IP6K1: variants seen among roughly 807,000 people sequenced by gnomAD.
The protein encoded by IP6K1 is inositol hexakisphosphate kinase 1.
A neutral mutation model predicts 38.3 loss-of-function variants in IP6K1; 13 were observed. The ratio of observed to expected loss-of-function variants is 0.34; its 90% confidence interval spans 0.22 to 0.54. The LOEUF is 0.54. Among genes scored for constraint, IP6K1 ranks in the 20% least tolerant of loss-of-function variants. The pLI is 0.92. For synonymous variants in IP6K1, 212 were observed against 229.9 expected (o/e 0.92, Z 0.70); for missense variants, 397 against 599.8 (o/e 0.66, Z 3.53).
At chr3:49,740,526 G>C (rs1342526531) in intron 2 of IP6K1, among the ~76,000 whole-genome samples, 1 of 151,964 alleles carries the variant, frequency 6.6e-6, no homozygotes, top group African/African-American at 2.4e-5. Flanking sequence ...CTTCCTCCTA[G>C]CCCCAGTAAC....
chr3:49,759,391 T>G (rs1423180051), intron 1 of IP6K1, among the ~76,000 whole-genome samples: 1 of 152,208 alleles, frequency 6.6e-6, no homozygotes, highest in Non-Finnish European at 1.5e-5. Context: ...TCTTTTGAGA[T>G]AATGTGCTGT....
In IP6K1 at chr3:49,727,359, C is replaced by G; in HGVS notation, c.1089G>C (p.Met363Ile). The change falls in exon 6 of 6, where the codon ATG becomes ATC. Residue 363 changes from methionine (M) to isoleucine (I), a missense_variant. Around this residue, in one of 3 missense-constraint regions of IP6K1, gnomAD observed 164 missense variants for 213.5 expected, o/e 0.77. Coordinates refer to ENST00000321599, the MANE Select transcript of IP6K1 (RefSeq NM_153273.4). The surrounding 1 kb of genome is among the most constrained non-coding windows in gnomAD (Gnocchi z 5.9). ...RSEMRLKHLD[M>I]VLPEVASSCG... ...AGGATGACGCCACCTCAGGGAGCACCATGTCCAGGTGCTTGAGACGCATCT... is the reference window on the plus strand; with the variant it reads ...AGGATGACGCCACCTCAGGGAGCACGATGTCCAGGTGCTTGAGACGCATCT... 6.2e-7 allele frequency: 1 copy of G among 1,614,114 alleles called. No homozygotes were observed. The highest frequency in any genetic ancestry group is 8.5e-7 in the Non-Finnish European group (1 of 1,180,022).
At chr3:49,767,287 A>G (rs2108254947) in intron 1 of IP6K1, among the ~76,000 whole-genome samples, 1 of 151,978 alleles carries the variant, frequency 6.6e-6, no homozygotes, top group East Asian at 1.9e-4. Flanking sequence ...CTTAAAAAAT[A>G]ATAATAATTG....
intron 1 of IP6K1, 99 bp from the exon 2 acceptor site, chr3:49,748,267 C>G (rs1029582829): frequency 1.8e-6 from 1 of 570,130 alleles, no homozygotes; most frequent in African/African-American, 1.9e-5. Flanking sequence ...GTTTTGTTCC[C>G]TACTATGTGT....
intron 1 of IP6K1, among the ~76,000 whole-genome samples, chr3:49,762,370 C>T (rs2080874733): frequency 6.6e-6 from 1 of 152,158 alleles, no homozygotes; most frequent in Non-Finnish European, 1.5e-5. Context: ...GGTGAAACCC[C>T]GTCTCTACTA....
intron 5 of IP6K1, 97 bp downstream of exon 5, chr3:49,728,006 C>T (rs1015077092): frequency 7.9e-7 from 1 of 1,268,072 alleles, no homozygotes; most frequent in Non-Finnish European, 1.1e-6. Context: ...GACAGAGGGG[C>T]TCAGGAGGAC....
rs2080512890 is a variant in IP6K1, at chr3:49,727,108, G to A, written c.*14C>T. On this transcript the variant is annotated 3_prime_UTR_variant, in exon 6 of 6. Coordinates refer to ENST00000321599, the MANE Select transcript of IP6K1 (RefSeq NM_153273.4). This position sits in a 1 kb window ranked among gnomAD's most constrained non-coding sequence, Gnocchi z 5.9. ...CAGTGGAGAGGAAGGGGTTCTGGGG[G>A]CCCAGAACAGGGCCTACTGGTTCTC... 6.4e-7 allele frequency: 1 copy of A among 1,572,418 alleles called. No individual in the cohort carries two copies. Among genetic ancestry groups the A allele is most frequent in the African/African-American group, 1.3e-5 (1 of 74,288 alleles).
At chr3:49,784,306 A>C (rs2108268106) in intron 1 of IP6K1, among the ~76,000 whole-genome samples, 1 of 152,132 alleles carries the variant, frequency 6.6e-6, no homozygotes, top group Non-Finnish European at 1.5e-5. Flanking sequence ...CTCTTTCAAA[A>C]TTATACATTC....
chr3:49,734,712 A>C (rs1431047718), intron 3 of IP6K1, among the ~76,000 whole-genome samples: 1 of 152,122 alleles, frequency 6.6e-6, no homozygotes, highest in African/African-American at 2.4e-5. Context: ...CCATTCAAAG[A>C]TGCCTTTTTT....
At chr3:49,777,873 CCACG>C (rs976731420) in intron 1 of IP6K1, among the ~76,000 whole-genome samples, 1 of 152,114 alleles carries the variant, frequency 6.6e-6, no homozygotes, top group Non-Finnish European at 1.5e-5. Context: ...TGAGATCGCG[CCACG>C]CACTCCAGCC....
chr3:49,752,385 G>A (rs1009946098), intron 1 of IP6K1, among the ~76,000 whole-genome samples: 3 of 151,820 alleles, frequency 2.0e-5, no homozygotes, highest in Non-Finnish European at 4.4e-5. Flanking sequence ...CTACTCGGGA[G>A]GCTGAGGCAG....
intron 2 of IP6K1, among the ~76,000 whole-genome samples, chr3:49,744,916 C>CA (rs1371205089): frequency 6.6e-6 from 1 of 152,108 alleles, no homozygotes; most frequent in Non-Finnish European, 1.5e-5. Context: ...GGTTTAAAAA[C>CA]AAATTTTCAT....
chr3:49,779,798 G>A (rs970394332), intron 1 of IP6K1, among the ~76,000 whole-genome samples: 17 of 151,928 alleles, frequency 1.1e-4, no homozygotes, highest in African/African-American at 4.1e-4. Context: ...CAATCCTCCC[G>A]CCCCTGCCTC....
intron 1 of IP6K1, among the ~76,000 whole-genome samples, chr3:49,771,956 G>C (rs1179881251): frequency 6.6e-6 from 1 of 152,158 alleles, no homozygotes; most frequent in African/African-American, 2.4e-5. Flanking sequence ...GCTCACACCT[G>C]TAATCCCAAC....
At chr3:49,730,148 C>T (rs2080550428) in intron 4 of IP6K1, among the ~76,000 whole-genome samples, 1 of 152,176 alleles carries the variant, frequency 6.6e-6, no homozygotes, top group Non-Finnish European at 1.5e-5. Flanking sequence ...CCACCTCGGC[C>T]TCCCAAAGTG....
intron 1 of IP6K1, among the ~76,000 whole-genome samples, chr3:49,779,336 T>C (rs986427913): frequency 6.6e-6 from 1 of 152,246 alleles, no homozygotes; most frequent in Non-Finnish European, 1.5e-5. Flanking sequence ...TAATGTTCCC[T>C]TGTATGTATA....
Position 49,727,771 on chromosome 3 carries a change from T to C in IP6K1, c.793-116A>G. The C allele has an allele frequency of 9.4e-7, 1 of 1,067,936 alleles. No homozygotes were observed. Among genetic ancestry groups the C allele is most frequent in the Non-Finnish European group, 1.3e-6 (1 of 748,690 alleles). 66.2% of individuals were successfully genotyped at this position (1,067,936 alleles called of 1,614,324 possible). A position where few individuals can be genotyped will look rare whatever the true frequency, so the allele number is the denominator to read the frequency against. On this transcript the variant is annotated intron_variant, in intron 5 of 5. Transcript: ENST00000321599. This position sits in a 1 kb window ranked among gnomAD's most constrained non-coding sequence, Gnocchi z 5.9. ...ACCAACCTGAGCTTTTCTGCTCACC[T>C]ATCTAAGTGGAACCAGGCAGGCCAC... is the stretch of plus-strand genomic sequence containing the variant.
intron 1 of IP6K1, among the ~76,000 whole-genome samples, chr3:49,771,188 CAAAAAAA>C (rs35601566): frequency 5.5e-5 from 4 of 72,496 alleles, no homozygotes; most frequent in African/African-American, 2.0e-4. Context: ...AACTCAGTAA[CAAAAAAA>C]AAAAAAAAAA....
At chr3:49,760,413 C>T (rs976084670) in intron 1 of IP6K1, among the ~76,000 whole-genome samples, 1 of 151,984 alleles carries the variant, frequency 6.6e-6, no homozygotes, top group African/African-American at 2.4e-5. Context: ...CACTTGAGGT[C>T]AGGAGTTCAA....
Sources: allele counts gnomAD v4.1 joint callset (sites outside exome capture counted in the v4.1 genomes callset), GRCh38; gene constraint gnomAD v4.1.1; regional missense constraint gnomAD v4.1.1; non-coding constraint Gnocchi (gnomAD v3.1); transcripts MANE v1.5; gene names NCBI Gene and HGNC (gene_info 2026-07-23, HGNC 2026-07-21).